The following ZNF473 variants were observed in gnomAD, a reference collection of about 807,000 sequenced individuals.
ZNF473 encodes the protein zinc finger protein 473, also known as zinc finger protein 100 homolog.
Under a neutral mutation model 11.1 loss-of-function variants are expected in ZNF473, and 4 were observed. The ratio of observed to expected loss-of-function variants is 0.36; its 90% CI spans 0.18 to 0.82. The LOEUF (loss-of-function observed/expected upper bound fraction) is 0.82, where lower values mean the gene tolerates loss of function less well. Among genes scored for constraint, ZNF473 ranks in the 40% least tolerant of loss-of-function variants. The pLI is 0.49. For synonymous variants in ZNF473, 404 were observed against 390.4 expected (o/e 1.03, Z -0.41); for missense variants, 854 against 1,084.0 (o/e 0.79, Z 2.98).
chr19:50,031,486 T>C (rs1190025352), intron 2 of ZNF473, among the ~76,000 whole-genome samples: 2 of 152,210 alleles, frequency 1.3e-5, no homozygotes, highest in South Asian at 2.1e-4. Context: ...TTTGCTCAGG[T>C]TGGGCCCTCT....
At chr19:50,029,590 G>A (rs1289968047) in intron 1 of ZNF473, among the ~76,000 whole-genome samples, 2 of 152,360 alleles carry the variant, frequency 1.3e-5, no homozygotes, top group Non-Finnish European at 2.9e-5. Flanking sequence ...GCTGCTTTGT[G>A]ATATGAAATG....
intron 1 of ZNF473, among the ~76,000 whole-genome samples, chr19:50,026,550 T>TA (rs71180669): frequency 0.022 from 2,633 of 119,280 alleles, 81 homozygotes; most frequent in South Asian, 0.12. Flanking sequence ...GACTACATCT[T>TA]AAAAAAAAAA....
intron 2 of ZNF473, among the ~76,000 whole-genome samples, chr19:50,031,606 T>C (rs1002595459): frequency 2.6e-5 from 4 of 152,036 alleles, no homozygotes; most frequent in Non-Finnish European, 5.9e-5. Context: ...TGCTCTAGCC[T>C]TCCATAGTAC....
intron 2 of ZNF473, among the ~76,000 whole-genome samples, chr19:50,034,019 A>G: frequency 6.6e-6 from 1 of 152,224 alleles, no homozygotes; most frequent in African/African-American, 2.4e-5. Context: ...GGGTGGCGGC[A>G]TTATTCGGCC....
chr19:50,039,131 C>G lies in ZNF473; in HGVS notation c.10-30C>G, dbSNP rs1978629544. ...TTGGGCTCCTCCCTGACCCCAGCCT[C>G]TGAGTGACCAATAGTGTACTGTGTT... On this transcript the variant is annotated intron_variant, in intron 2 of 4. Coordinates refer to ENST00000270617, the MANE Select transcript of ZNF473 (RefSeq NM_015428.4). This position sits in a 1 kb window ranked among gnomAD's most constrained non-coding sequence, Gnocchi z 4.8. 6.2e-7 allele frequency: 1 copy of G among 1,612,900 alleles called. No homozygotes were observed. The highest frequency in any genetic ancestry group is 8.5e-7 in the Non-Finnish European group (1 of 1,179,228).
intron 4 of ZNF473, 200 bp downstream of exon 4, chr19:50,042,019 G>A (rs1978806378): frequency 4.4e-6 from 2 of 454,194 alleles, no homozygotes; most frequent in Non-Finnish European, 7.9e-6. Flanking sequence ...TCACTCTGGG[G>A]TCTCTCTACC....
chr19:50,029,760 G>T (rs1310942117), intron 1 of ZNF473, among the ~76,000 whole-genome samples: 1 of 152,210 alleles, frequency 6.6e-6, no homozygotes, highest in Non-Finnish European at 1.5e-5. Flanking sequence ...GACTAGAATA[G>T]AAAACATCCC....
chr19:50,040,896 T>A (rs1267120815), intron 3 of ZNF473, among the ~76,000 whole-genome samples: 1 of 152,332 alleles, frequency 6.6e-6, no homozygotes, highest in East Asian at 1.9e-4. Flanking sequence ...CTTTTTGAAT[T>A]TTTAAACTAC....
chr19:50,037,619 G>A (rs1200901145), intron 2 of ZNF473, among the ~76,000 whole-genome samples: 2 of 150,950 alleles, frequency 1.3e-5, no homozygotes, highest in African/African-American at 4.9e-5. Context: ...CCAAGAGTTC[G>A]AGACCAGCCT....
chr19:50,047,740 A>T lies in ZNF473; in HGVS notation c.*681A>T, dbSNP rs1470941907. 6.6e-6 allele frequency: 1 copy of T among 152,034 alleles called. No individual in the cohort carries two copies. The highest frequency in any genetic ancestry group is 1.5e-5 in the Non-Finnish European group (1 of 68,050). The allele number at this position is 152,034 out of a possible 1,614,324, so 9.4% of individuals were successfully genotyped here. A position where few individuals can be genotyped will look rare whatever the true frequency, so the allele number is the denominator to read the frequency against. On this transcript the variant is annotated 3_prime_UTR_variant, in exon 5 of 5. Transcript: ENST00000270617. ...TACAACCTTCCACTCCTAACCTCCCAAGCTTCTCACTTAAAGAGGACTCCC... is the reference window on the plus strand; with the variant it reads ...TACAACCTTCCACTCCTAACCTCCCTAGCTTCTCACTTAAAGAGGACTCCC...
intron 2 of ZNF473, among the ~76,000 whole-genome samples, chr19:50,032,260 C>T (rs1391304359): frequency 3.3e-5 from 5 of 150,854 alleles, no homozygotes; most frequent in Admixed American, 2.7e-4. Context: ...TGATCTGGCT[C>T]CTGCTTGGCT....
chr19:50,033,094 C>G (rs922111261), intron 2 of ZNF473, among the ~76,000 whole-genome samples: 10 of 152,262 alleles, frequency 6.6e-5, no homozygotes, highest in African/African-American at 1.7e-4. Context: ...GGTTACAGTT[C>G]AACCCATACC....
At position 50,047,108 on chromosome 19, in the gene ZNF473, T is replaced by C; in HGVS notation, c.*49T>C. 1 of 1,496,316 alleles carries C rather than the reference T, an allele frequency of 6.7e-7. No individual in the cohort carries two copies. The highest frequency in any genetic ancestry group is 9.1e-7 in the Non-Finnish European group (1 of 1,103,336). The allele number at this position is 1,496,316 out of a possible 1,614,324, so 92.7% of individuals were successfully genotyped here. ...AGAATATGAGACCGTTACTCGGATG[T>C]TGAAAGTTGGAAACTATCCCATTGC... On this transcript the variant is annotated 3_prime_UTR_variant, in exon 5 of 5. Transcript: ENST00000270617.
intron 2 of ZNF473, among the ~76,000 whole-genome samples, chr19:50,033,456 G>T (rs569298158): frequency 6.6e-6 from 1 of 152,112 alleles, no homozygotes; most frequent in South Asian, 2.1e-4. Context: ...TCCGGAGGCC[G>T]TTGGAGGGTT....
At chr19:50,042,160 T>A (rs1220209932) in intron 4 of ZNF473, 1 of 171,244 alleles carries the variant, frequency 5.8e-6, no homozygotes, top group Non-Finnish European at 1.2e-5. Context: ...TCCCTGAGTG[T>A]GTTGACCCTC....
At chr19:50,044,632 C>G in intron 4 of ZNF473, 38 bp from the exon 5 acceptor site, 1 of 1,523,704 alleles carries the variant, frequency 6.6e-7, no homozygotes. Context: ...GTGTTCTCAC[C>G]CTTAGTGAAC....
intron 3 of ZNF473, 139 bp from the exon 4 acceptor site, chr19:50,041,591 A>G: frequency 1.6e-6 from 1 of 624,716 alleles, no homozygotes; most frequent in Non-Finnish European, 2.7e-6. Flanking sequence ...AGAGTCGCCC[A>G]GTGCAGCACC....
chr19:50,032,311 T>C (rs1159739937), intron 2 of ZNF473, among the ~76,000 whole-genome samples: 2 of 151,694 alleles, frequency 1.3e-5, no homozygotes, highest in East Asian at 1.9e-4. Flanking sequence ...GTTTCTGTTA[T>C]AAGTACCAGA....
At position 50,039,394 on chromosome 19, in the gene ZNF473, C is replaced by T; in HGVS notation, c.136+107C>T. Reference sequence around the variant, plus strand: ...TCCTGGCTCCTGGGCTCCTCAGAATCAGCATGACCTAGCCCAGCAGTTCTC... The same window carrying T: ...TCCTGGCTCCTGGGCTCCTCAGAATTAGCATGACCTAGCCCAGCAGTTCTC... On this transcript the variant is annotated intron_variant, in intron 3 of 4. Coordinates refer to ENST00000270617, the MANE Select transcript of ZNF473 (RefSeq NM_015428.4). The surrounding 1 kb of genome is among the most constrained non-coding windows in gnomAD (Gnocchi z 4.8). The T allele has an allele frequency of 6.9e-7, 1 of 1,448,212 alleles. No individual in the cohort carries two copies. The highest frequency in any genetic ancestry group is 1.3e-5 in the South Asian group (1 of 78,094). 89.7% of individuals were successfully genotyped at this position (1,448,212 alleles called of 1,614,324 possible).
Sources: gnomAD v4.1 joint callset for allele counts (sites outside exome capture counted in the v4.1 genomes callset) on GRCh38, gnomAD v4.1.1 for gene constraint, Gnocchi (gnomAD v3.1) non-coding constraint, MANE v1.5 for transcripts, NCBI Gene and HGNC (gene_info 2026-07-23, HGNC 2026-07-21) for gene names.